Variants in BAG3 observed in about 807,000 individuals in gnomAD.
The protein encoded by BAG3 is BAG cochaperone 3.
In BAG3, 14 loss-of-function variants were observed where a neutral mutation model predicts 40.5. The observed-to-expected ratio is 0.35, with a 90% confidence interval of 0.23 to 0.54. The LOEUF (loss-of-function observed/expected upper bound fraction) is 0.54. Ranked by LOEUF, BAG3 falls within the 20% of genes least tolerant of loss-of-function variation. The probability of loss-of-function intolerance (pLI) is 0.91; values close to 1 mark genes in which losing one functional copy is unlikely to be tolerated. For missense variants in BAG3, 788 were observed against 758.6 expected (o/e 1.04, Z -0.46); for synonymous variants, 302 against 307.8 (o/e 0.98, Z 0.20).
At chr10:119,654,519 C>G (rs1846885824) in intron 1 of BAG3, among the ~76,000 whole-genome samples, 1 of 152,242 alleles carries the variant, frequency 6.6e-6, no homozygotes, top group Admixed American at 6.5e-5. Flanking sequence ...GTAGTTAGGA[C>G]AACTCCCTGT....
rs1847126515 is a variant in BAG3, at chr10:119,670,090, C to T, written c.420C>T (p.Gly140=). 8 of 1,613,724 alleles carry T rather than the reference C, an allele frequency of 5.0e-6. No homozygotes were observed. Among genetic ancestry groups the T allele is most frequent in the Non-Finnish European group, 6.8e-6 (8 of 1,179,630 alleles). Residue 140 remains glycine, a synonymous_variant, in exon 2 of 4, where the codon GGC becomes GGT. Coordinates refer to ENST00000369085, the MANE Select transcript of BAG3 (RefSeq NM_004281.4). ...APQRSQSPLR[G]MPETTQPDKQ... is the part of the protein sequence containing the mutation. ...AGAGGTCCCAGTCACCTCTGCGGGGCATGCCAGAAACCACTCAGCCAGATA... is the reference window on the plus strand; with the variant it reads ...AGAGGTCCCAGTCACCTCTGCGGGGTATGCCAGAAACCACTCAGCCAGATA...
chr10:119,655,946 G>C (rs1298108935), intron 1 of BAG3, among the ~76,000 whole-genome samples: 2 of 152,138 alleles, frequency 1.3e-5, no homozygotes, highest in African/African-American at 4.8e-5. Flanking sequence ...TATCAGGGCT[G>C]CTTGTGAGTC....
intron 1 of BAG3, among the ~76,000 whole-genome samples, chr10:119,656,173 G>A (rs72840788): frequency 0.15 from 22,256 of 152,148 alleles, 2,101 homozygotes; most frequent in Non-Finnish European, 0.21. Flanking sequence ...GCTCTTAAAT[G>A]TTTAAGAGAG....
intron 1 of BAG3, among the ~76,000 whole-genome samples, chr10:119,658,474 A>G (rs966263969): frequency 5.9e-5 from 9 of 152,210 alleles, no homozygotes; most frequent in Non-Finnish European, 2.9e-5. Flanking sequence ...ATGACTCAGC[A>G]TGGAGCGCTG....
At chr10:119,673,268 G>A (rs1847178088) in intron 3 of BAG3, among the ~76,000 whole-genome samples, 1 of 152,180 alleles carries the variant, frequency 6.6e-6, no homozygotes. Flanking sequence ...AGTTCAACAT[G>A]TCATTATTCG....
chr10:119,673,709 T>C (rs778944348), intron 3 of BAG3, among the ~76,000 whole-genome samples: 15 of 152,272 alleles, frequency 9.9e-5, no homozygotes, highest in Non-Finnish European at 2.2e-4. Flanking sequence ...AATGTTGTTT[T>C]ATTTGGAAAT....
At chr10:119,658,585 C>T (rs117256901) in intron 1 of BAG3, among the ~76,000 whole-genome samples, 1 of 152,234 alleles carries the variant, frequency 6.6e-6, no homozygotes, top group Non-Finnish European at 1.5e-5. Flanking sequence ...GCTGCCTCTC[C>T]TGCTGCATTT....
intron 1 of BAG3, among the ~76,000 whole-genome samples, chr10:119,653,973 G>GACTGATGAA (rs992647307): frequency 2.2e-4 from 33 of 152,164 alleles, no homozygotes; most frequent in African/African-American, 6.5e-4. Context: ...TTGATGATGG[G>GACTGATGAA]ACTGATGAAC....
intron 1 of BAG3, among the ~76,000 whole-genome samples, chr10:119,667,504 G>A (rs1011077139): frequency 6.6e-6 from 1 of 152,180 alleles, no homozygotes; most frequent in African/African-American, 2.4e-5. Flanking sequence ...TCACAGAACT[G>A]TTAGAAATAG....
intron 1 of BAG3, among the ~76,000 whole-genome samples, chr10:119,660,961 C>T (rs1846983982): frequency 6.6e-6 from 1 of 152,180 alleles, no homozygotes; most frequent in Non-Finnish European, 1.5e-5. Context: ...GGTGTGGTGG[C>T]ACATGCCTGT....
intron 1 of BAG3, among the ~76,000 whole-genome samples, chr10:119,667,546 G>A (rs552985616): frequency 6.6e-6 from 1 of 152,282 alleles, no homozygotes; most frequent in African/African-American, 2.4e-5. Context: ...CCTACCTAGG[G>A]CAGCGTCTAC....
intron 1 of BAG3, among the ~76,000 whole-genome samples, chr10:119,664,926 G>T (rs1847037876): frequency 6.6e-6 from 1 of 151,826 alleles, no homozygotes; most frequent in South Asian, 2.1e-4. Flanking sequence ...GTGTGTGTGT[G>T]AGAGTTTTTT....
intron 1 of BAG3, among the ~76,000 whole-genome samples, chr10:119,660,368 G>A (rs922668145): frequency 1.1e-4 from 17 of 152,332 alleles, no homozygotes; most frequent in Non-Finnish European, 2.2e-4. Context: ...GGAGAGGTGG[G>A]TCGTTTAGGG....
chr10:119,669,859 A>G lies in BAG3; in HGVS notation c.189A>G (p.Pro63=), dbSNP rs756960514. The change falls in exon 2 of 4, where the codon CCA becomes CCG. Residue 63 remains proline (P), a synonymous_variant. Coordinates refer to ENST00000369085, the MANE Select transcript of BAG3 (RefSeq NM_004281.4). ...TCCACTTTTTATTTCAGGAGACTCC[A>G]TCCTCTGCCAATGGCCCTTCCCGGG... ...RVPSEGPKET[P]SSANGPSREG... is the part of the protein sequence containing the mutation. 1.9e-6 allele frequency: 3 copies of G among 1,614,132 alleles called. No homozygotes were observed. Among genetic ancestry groups the G allele is most frequent in the Non-Finnish European group, 2.5e-6 (3 of 1,180,002 alleles).
At chr10:119,657,969 C>T (rs1032152602) in intron 1 of BAG3, among the ~76,000 whole-genome samples, 7 of 152,258 alleles carry the variant, frequency 4.6e-5, no homozygotes, top group Non-Finnish European at 8.8e-5. Context: ...AGTGCCAGCT[C>T]TGTGCGTCAG....
rs1468932645 is a variant in BAG3 at position 119,651,706 on chromosome 10, C to A, written c.31C>A (p.Gln11Lys). 6.3e-7 allele frequency: 1 copy of A among 1,593,806 alleles called. No individual in the cohort carries two copies. ...CGCCGCCACCCACTCGCCCATGATG[C>A]AGGTGGCGTCCGGCAACGGTGACCG... The part of the protein sequence containing the change: MSAATHSPMM[Q>K]VASGNGDRDP... Residue 11 changes from glutamine (Q) to lysine (K), a missense_variant, in exon 1 of 4, where the codon CAG (glutamine) becomes AAG (lysine). Physicochemically the swap from Gln to Lys is moderately conservative, Grantham distance 53. Transcript: ENST00000369085.
intron 1 of BAG3, among the ~76,000 whole-genome samples, chr10:119,653,892 T>G (rs1846876298): frequency 6.6e-6 from 1 of 152,174 alleles, no homozygotes; most frequent in Admixed American, 6.5e-5. Flanking sequence ...CTAGAATACT[T>G]GATTATTTTT....
At chr10:119,655,633 C>T (rs1211264724) in intron 1 of BAG3, among the ~76,000 whole-genome samples, 1 of 152,130 alleles carries the variant, frequency 6.6e-6, no homozygotes, top group Non-Finnish European at 1.5e-5. Flanking sequence ...TTCTCTCCTT[C>T]GTATTTCCAG....
chr10:119,651,842 C>G lies in BAG3; in HGVS notation c.167C>G (p.Ser56Cys), dbSNP rs777100532. ...TTTWNDPRVP[S>C]EGPKETPSSA... ...ACGTGGAACGACCCGCGCGTGCCCT[C>G]TGAGGGCCCCAAGGTGAGCCGGGCC... The change falls in exon 1 of 4, where the codon TCT becomes TGT. Residue 56 changes from serine (S) to cysteine (C), a missense_variant. Ser to Cys is a moderately radical substitution (Grantham distance 112). Transcript: ENST00000369085. 11 of 1,583,022 alleles carry G rather than the reference C, an allele frequency of 6.9e-6. No individual in the cohort carries two copies. In the African/African-American group the frequency reaches 1.4e-4, roughly 20 times the overall value.
Sources: gnomAD v4.1 joint callset for allele counts (sites outside exome capture counted in the v4.1 genomes callset) on GRCh38, gnomAD v4.1.1 for gene constraint, MANE v1.5 for transcripts, NCBI Gene and HGNC (gene_info 2026-07-23, HGNC 2026-07-21) for gene names.